RPS6KA2: variants seen among roughly 807,000 people sequenced by gnomAD.
RPS6KA2 encodes the protein ribosomal protein S6 kinase A2, also known as ribosomal protein S6 kinase alpha-2.
Under a neutral mutation model 91.8 loss-of-function variants are expected in RPS6KA2, and 42 were observed. That is an observed-to-expected ratio of 0.46 (90% CI 0.36 to 0.59). The LOEUF (loss-of-function observed/expected upper bound fraction) is 0.59. RPS6KA2 is among the 20% of genes least tolerant of loss of function. The probability of loss-of-function intolerance (pLI) is 0.00; values close to 1 mark genes in which losing one functional copy is unlikely to be tolerated. For missense variants in RPS6KA2, 798 were observed against 978.5 expected (o/e 0.82, Z 2.46); for synonymous variants, 414 against 393.6 (o/e 1.05, Z -0.61).
In RPS6KA2 at chr6:166,443,411, A is replaced by G. The variant is rs147459470; in HGVS notation, c.1332+5313T>C. On this transcript the variant is annotated intron_variant, in intron 14 of 20. Transcript: ENST00000265678. ...TGGCACGGGACTTCTTAGTGGTTCT[A>G]TGGTGTTATTCAAGGTTTATGGAAC... Among the ~76,000 whole-genome samples the G allele has an allele frequency of 2.0e-4, 31 of 152,306 alleles. No individual in the cohort carries two copies. The East Asian group carries it at 5.6e-3, about 27-fold the overall frequency.
At chr6:166,650,041 A>G (rs745902444) in intron 2 of RPS6KA2, among the ~76,000 whole-genome samples, 1 of 151,812 alleles carries the variant, frequency 6.6e-6, no homozygotes, top group Non-Finnish European at 1.5e-5. Context: ...GGCCTCAGAA[A>G]TGTTAGATGG....
rs1778309829 is a variant in RPS6KA2 at position 166,411,660 on chromosome 6, T to C, written c.*1102A>G. 6.5e-6 allele frequency: 1 copy of C among 152,832 alleles called. No homozygotes were observed. The highest frequency in any genetic ancestry group is 6.5e-5 in the Admixed American group (1 of 15,274). 9.5% of individuals were successfully genotyped at this position (152,832 alleles called of 1,614,324 possible). On this transcript the variant is annotated 3_prime_UTR_variant, in exon 21 of 21. Coordinates refer to ENST00000265678, the MANE Select transcript of RPS6KA2 (RefSeq NM_021135.6). This position sits in a 1 kb window ranked among gnomAD's most constrained non-coding sequence, Gnocchi z 4.5. ...CAAAACGCAACACAAAGCCACAGCA[T>C]CTACAAAGTGCATCGCTCCTGTCCA... is the stretch of plus-strand genomic sequence containing the variant.
rs945947513 is a variant in RPS6KA2 at position 166,563,045 on chromosome 6, G to T, written c.100-24261C>A. 1.3e-5 allele frequency among the ~76,000 whole-genome samples: 2 copies of T among 152,230 alleles called. No homozygotes were observed. Among genetic ancestry groups the T allele is most frequent in the African/African-American group, 4.8e-5 (2 of 41,462 alleles). On this transcript the variant is annotated intron_variant, in intron 1 of 20. Transcript: ENST00000265678. This position sits in a 1 kb window ranked among gnomAD's most constrained non-coding sequence, Gnocchi z 4.1. ...CCAAGTCACAACAGGAGTCCAGAGG[G>T]TCCTGAGTGTGGGAAACACAAGCTC...
chr6:166,834,789 G>T lies in RPS6KA2; in HGVS notation c.123+23411C>A, dbSNP rs921021988. 1.4e-4 allele frequency among the ~76,000 whole-genome samples: 22 copies of T among 151,856 alleles called. No individual in the cohort carries two copies. The East Asian group carries it at 4.3e-3, about 29-fold the overall frequency. ...CCAGTATTTGGATTTTTCTGACAGT[G>T]TCTTTTCAAGGACAGGAGTCTTTAG... is the stretch of plus-strand genomic sequence containing the variant. On this transcript the variant is annotated intron_variant, in intron 2 of 21. Transcript: ENST00000503859.
chr6:166,693,860 C>T (rs1789284625), intron 2 of RPS6KA2, among the ~76,000 whole-genome samples: 1 of 152,166 alleles, frequency 6.6e-6, no homozygotes, highest in Non-Finnish European at 1.5e-5. Context: ...TAGACACACC[C>T]CTTAGGCACA....
intron 1 of RPS6KA2, among the ~76,000 whole-genome samples, chr6:166,574,195 T>A (rs957598882): frequency 6.6e-6 from 1 of 152,212 alleles, no homozygotes; most frequent in East Asian, 1.9e-4. Context: ...AGGAGGTCCA[T>A]GTGCAGGTTT....
Position 166,634,040 on chromosome 6 carries a change from G to A in RPS6KA2, c.124-95256C>T, listed in dbSNP as rs1787161344. Reference sequence around the variant, plus strand: ...GTGAGTGACACTGTGTGGGCAGAGTGTGGGCTCAGGGCGTGGGGTCAGGCA... The same window carrying A: ...GTGAGTGACACTGTGTGGGCAGAGTATGGGCTCAGGGCGTGGGGTCAGGCA... On this transcript the variant is annotated intron_variant, in intron 2 of 21. Coordinates refer to the RPS6KA2 transcript ENST00000503859. 2.0e-5 allele frequency among the ~76,000 whole-genome samples: 3 copies of A among 152,188 alleles called. No homozygotes were observed. In the South Asian group the frequency reaches 6.2e-4, roughly 32 times the overall value.
intron 2 of RPS6KA2, among the ~76,000 whole-genome samples, chr6:166,765,618 A>C (rs1778291103): frequency 6.6e-6 from 1 of 152,258 alleles, no homozygotes; most frequent in South Asian, 2.1e-4. Flanking sequence ...ACCTCGATGT[A>C]GAAAGTGCTG....
chr6:166,604,677 TG>T (rs1785879389), intron 1 of RPS6KA2, among the ~76,000 whole-genome samples: 1 of 152,198 alleles, frequency 6.6e-6, no homozygotes, highest in African/African-American at 2.4e-5. Flanking sequence ...GCTCAGAACA[TG>T]GGGCGCCTGA....
At chr6:166,651,568 T>C (rs1787856549) in intron 2 of RPS6KA2, among the ~76,000 whole-genome samples, 1 of 152,238 alleles carries the variant, frequency 6.6e-6, no homozygotes, top group South Asian at 2.1e-4. Flanking sequence ...AAGGCTGTTA[T>C]CAGAGAAAAA....
intron 10 of RPS6KA2, among the ~76,000 whole-genome samples, chr6:166,486,534 C>A (rs959934510): frequency 6.6e-6 from 1 of 152,202 alleles, no homozygotes; most frequent in African/African-American, 2.4e-5. Flanking sequence ...CCTCTCAGAC[C>A]CTTGACTGGG....
chr6:166,729,755 TC>T (rs773783165), intron 2 of RPS6KA2, among the ~76,000 whole-genome samples: 1 of 152,224 alleles, frequency 6.6e-6, no homozygotes, highest in Non-Finnish European at 1.5e-5. Flanking sequence ...CCAAGAAACT[TC>T]CCATGCTGTT....
At chr6:166,440,786 GGTGCAAAAATAATAATAAAAGTGAGATAT>G (rs1779494360) in intron 14 of RPS6KA2, among the ~76,000 whole-genome samples, 1 of 152,190 alleles carries the variant, frequency 6.6e-6, no homozygotes, top group Admixed American at 6.5e-5. Flanking sequence ...ATACTAGAGC[GGTGCAAAAATAATAATAAAAGTGAGATAT>G]TTCGCGGCAA....
intron 1 of RPS6KA2, among the ~76,000 whole-genome samples, chr6:166,583,689 C>T (rs7744326): frequency 0.07 from 10,669 of 152,248 alleles, 1,226 homozygotes; most frequent in African/African-American, 0.24. Flanking sequence ...CCAAAAGAGA[C>T]AAGACTCACA....
Position 166,748,561 on chromosome 6 carries a change from TC to T in RPS6KA2, c.123+109638del, listed in dbSNP as rs1562416055. 4.9e-4 allele frequency among the ~76,000 whole-genome samples: 13 copies of T among 26,290 alleles called. No individual in the cohort carries two copies. The South Asian group carries it at 7.5e-3, about 15-fold the overall frequency. The allele number at this position is 26,290 out of a possible 152,430, so 17.2% of individuals were successfully genotyped here. On this transcript the variant is annotated intron_variant, in intron 2 of 21. Transcript: ENST00000503859. ...CCCCCCATCCCCTTGGGCCCCCACC[TC>T]CTCAGGCCCCCACCTCCTCGGGCCC...
chr6:166,619,403 G>C (rs534262706), intron 1 of RPS6KA2, among the ~76,000 whole-genome samples: 1 of 152,330 alleles, frequency 6.6e-6, no homozygotes, highest in South Asian at 2.1e-4. Flanking sequence ...TCTTTCCTTC[G>C]CTATGTTCAA....
chr6:166,538,655 G>A lies in RPS6KA2; in HGVS notation c.216+13C>T. 1 of 1,429,042 alleles carries A rather than the reference G, an allele frequency of 7.0e-7. No homozygotes were observed. The highest frequency in any genetic ancestry group is 9.9e-7 in the Non-Finnish European group (1 of 1,011,944). 88.5% of individuals were successfully genotyped at this position (1,429,042 alleles called of 1,614,324 possible). ...AGGAATGAGACTCAAGAGACAGCCA[G>A]GGCTGAACTTACCTTTCCATAGGAT... On this transcript the variant is annotated intron_variant, in intron 2 of 20. Transcript: ENST00000265678.
upstream of RPS6KA2, chr6:166,627,278 A>G: frequency 1.0e-6 from 1 of 983,106 alleles, no homozygotes; most frequent in Non-Finnish European, 1.2e-6. Flanking sequence ...CGCCACGCCT[A>G]CACCACGCCC....
intron 1 of RPS6KA2, among the ~76,000 whole-genome samples, chr6:166,565,922 G>T (rs1047746324): frequency 5.9e-5 from 9 of 152,370 alleles, no homozygotes; most frequent in African/African-American, 2.2e-4. Flanking sequence ...CGACATCACA[G>T]GAGGACATTT....
Sources: gnomAD v4.1 joint callset for allele counts (sites outside exome capture counted in the v4.1 genomes callset) on GRCh38, gnomAD v4.1.1 for gene constraint, Gnocchi (gnomAD v3.1) non-coding constraint, MANE v1.5 for transcripts, NCBI Gene and HGNC (gene_info 2026-07-23, HGNC 2026-07-21) for gene names.